Variants in WDFY4 observed in about 807,000 individuals in gnomAD.
WDFY4 encodes WD repeat- and FYVE domain-containing protein 4.
A neutral mutation model predicts 351.9 loss-of-function variants in WDFY4; 169 were observed. The observed-to-expected ratio is 0.48, with a 90% CI of 0.42 to 0.55. The LOEUF (loss-of-function observed/expected upper bound fraction) is 0.55, where lower values mean the gene tolerates loss of function less well. WDFY4 is among the 20% of genes least tolerant of loss of function. The probability of loss-of-function intolerance (pLI) is 0.00; values close to 1 mark genes in which losing one functional copy is unlikely to be tolerated. For synonymous variants in WDFY4, 1,622 were observed against 1,574.6 expected (o/e 1.03, Z -0.71); for missense variants, 3,803 against 3,935.6 (o/e 0.97, Z 0.90).
chr10:48,841,393 A>G (rs1306192000), intron 39 of WDFY4, among the ~76,000 whole-genome samples: 1 of 147,326 alleles, frequency 6.8e-6, no homozygotes, highest in Non-Finnish European at 1.5e-5. Context: ...ACATATCACA[A>G]CTGATTTTTT....
intron 41 of WDFY4, among the ~76,000 whole-genome samples, chr10:48,874,095 C>A (rs1236972634): frequency 6.6e-6 from 1 of 152,184 alleles, no homozygotes; most frequent in Admixed American, 6.5e-5. Context: ...GCAGTTGTAA[C>A]CCATACTGCT....
At chr10:48,777,279 T>C in intron 16 of WDFY4, 140 bp from the exon 17 acceptor site, 1 of 854,554 alleles carries the variant, frequency 1.2e-6, no homozygotes, top group South Asian at 1.6e-5. Context: ...CTGCAGTCCA[T>C]CCTTGGGACC....
At chr10:48,718,784 CAA>C (rs1380601514) in intron 2 of WDFY4, among the ~76,000 whole-genome samples, 1 of 152,184 alleles carries the variant, frequency 6.6e-6, no homozygotes, top group Admixed American at 6.5e-5. Flanking sequence ...GCCATCTGCT[CAA>C]AGACTTGGAT....
At chr10:48,977,301 G>A (rs535507229) in intron 59 of WDFY4, among the ~76,000 whole-genome samples, 23 of 152,148 alleles carry the variant, frequency 1.5e-4, no homozygotes, top group South Asian at 6.2e-4. Context: ...AGATATTTGC[G>A]TCATCCATTC....
intron 61 of WDFY4, among the ~76,000 whole-genome samples, chr10:48,982,232 G>C (rs1197081311): frequency 6.6e-6 from 1 of 152,236 alleles, no homozygotes; most frequent in Non-Finnish European, 1.5e-5. Context: ...TCACCTGGAG[G>C]CACTGGAGAG....
intron 39 of WDFY4, among the ~76,000 whole-genome samples, chr10:48,842,078 C>A (rs2068625776): frequency 6.6e-6 from 1 of 151,976 alleles, no homozygotes; most frequent in South Asian, 2.1e-4. Flanking sequence ...TCAACTTCTT[C>A]TTGGATGATT....
chr10:48,720,310 G>A (rs547044192), intron 3 of WDFY4, among the ~76,000 whole-genome samples, 185 bp downstream of exon 3: 2 of 152,288 alleles, frequency 1.3e-5, no homozygotes, highest in South Asian at 4.1e-4. Flanking sequence ...GGAGGGAAGA[G>A]GGGTCGGGGA....
Position 48,981,306 on chromosome 10 carries a change from G to T in WDFY4, c.9377-61G>T, listed in dbSNP as rs879237565. On this transcript the variant is annotated intron_variant, in intron 60 of 61. Transcript: ENST00000325239. ...TGTGTTTGCGGCCCCGTGTGCAGATGCACACTGTATGTGCGAAGCCGATCT... is the reference window on the plus strand; with the variant it reads ...TGTGTTTGCGGCCCCGTGTGCAGATTCACACTGTATGTGCGAAGCCGATCT... 5.1e-5 allele frequency: 73 copies of T among 1,441,540 alleles called. 1 individual carries two copies. In the South Asian group the frequency reaches 8.2e-4, roughly 16 times the overall value. The allele number at this position is 1,441,540 out of a possible 1,614,324, so 89.3% of individuals were successfully genotyped here. A position where few individuals can be genotyped will look rare whatever the true frequency, so the allele number is the denominator to read the frequency against.
At chr10:48,879,636 T>A (rs1437296889) in intron 43 of WDFY4, among the ~76,000 whole-genome samples, 1 of 152,152 alleles carries the variant, frequency 6.6e-6, no homozygotes, top group Non-Finnish European at 1.5e-5. Context: ...AGCCAAGGCA[T>A]TTGTGGGGCC....
chr10:48,853,848 G>T (rs572702796), intron 39 of WDFY4, among the ~76,000 whole-genome samples: 2 of 152,172 alleles, frequency 1.3e-5, no homozygotes, highest in South Asian at 4.1e-4. Context: ...CTGTCTGTTC[G>T]TTAGGCTCTA....
intron 39 of WDFY4, among the ~76,000 whole-genome samples, chr10:48,848,336 C>T (rs1055371711): frequency 3.9e-5 from 6 of 152,230 alleles, no homozygotes; most frequent in African/African-American, 1.4e-4. Flanking sequence ...CCACTAAGAA[C>T]TTGTATTCCA....
intron 44 of WDFY4, among the ~76,000 whole-genome samples, chr10:48,896,699 T>C (rs1338698748): frequency 1.3e-5 from 2 of 152,138 alleles, no homozygotes; most frequent in African/African-American, 4.8e-5. Flanking sequence ...CTCCTAACTC[T>C]GGTTTGCATT....
chr10:48,699,056 C>T (rs1181344083), intron 1 of WDFY4, among the ~76,000 whole-genome samples: 1 of 152,198 alleles, frequency 6.6e-6, no homozygotes, highest in African/African-American at 2.4e-5. Flanking sequence ...GGGCTCACAG[C>T]CCCTGCCACG....
At chr10:48,727,833 G>A (rs12416600) in intron 7 of WDFY4, among the ~76,000 whole-genome samples, 174 bp downstream of exon 7, 7 of 152,124 alleles carry the variant, frequency 4.6e-5, no homozygotes, top group Non-Finnish European at 1.0e-4. Flanking sequence ...CACTTCCTTA[G>A]AGAATCAGTA....
intron 20 of WDFY4, among the ~76,000 whole-genome samples, chr10:48,787,924 C>T (rs1158296198): frequency 1.3e-5 from 1 of 76,928 alleles, no homozygotes; most frequent in Non-Finnish European, 2.5e-5. Context: ...TCTTCTTCTT[C>T]TTCTTCTTCT....
At chr10:48,920,525 A>G (rs181774448) in intron 47 of WDFY4, among the ~76,000 whole-genome samples, 19 of 152,294 alleles carry the variant, frequency 1.2e-4, no homozygotes, top group African/African-American at 3.6e-4. Context: ...ATTTAAAACA[A>G]TTGAAAAAAA....
At chr10:48,849,005 T>A (rs939666648) in intron 39 of WDFY4, among the ~76,000 whole-genome samples, 2 of 152,132 alleles carry the variant, frequency 1.3e-5, no homozygotes, top group African/African-American at 4.8e-5. Context: ...GGGGGTGGTA[T>A]CTACCTTGGC....
chr10:48,914,358 C>A, intron 47 of WDFY4: 1 of 583,828 alleles, frequency 1.7e-6, no homozygotes, highest in Non-Finnish European at 3.0e-6. Context: ...GAAGTCAGGG[C>A]AAAGTGGACC....
rs2068025675 is a variant in WDFY4, at chr10:48,826,838, T to A, written c.6150T>A (p.Phe2050Leu). 5.2e-6 allele frequency: 8 copies of A among 1,551,766 alleles called. No homozygotes were observed. Among genetic ancestry groups the A allele is most frequent in the African/African-American group, 1.4e-5 (1 of 73,068 alleles). Residue 2050 changes from phenylalanine to leucine, a missense_variant, in exon 36 of 62, where the codon TTT (phenylalanine) becomes TTA (leucine). By Grantham distance (22) the Phe-to-Leu change is conservative. Coordinates refer to ENST00000325239, the MANE Select transcript of WDFY4 (RefSeq NM_001394531.1). ...TGCAGGAGCACTGGGATGTTGTCTT[T>A]GCCACCTACAATTCCAACATCAGCT... ...GFLQEHWDVVFATYNSNISFL... is the reference protein window; with the variant it reads ...GFLQEHWDVVLATYNSNISFL...
Sources: allele counts gnomAD v4.1 joint callset (sites outside exome capture counted in the v4.1 genomes callset), GRCh38; gene constraint gnomAD v4.1.1; transcripts MANE v1.5; gene names NCBI Gene and HGNC (gene_info 2026-07-23, HGNC 2026-07-21).